PIAS1: variants seen among roughly 807,000 people sequenced by gnomAD.
PIAS1 encodes protein inhibitor of activated STAT 1.
Under a neutral mutation model 71.3 loss-of-function variants are expected in PIAS1, and 6 were observed. That is an observed-to-expected ratio of 0.08 (90% CI 0.05 to 0.17). The LOEUF is 0.17. PIAS1 is among the 10% of genes least tolerant of loss of function. PIAS1 has a pLI of 1.00. For synonymous variants in PIAS1, 303 were observed against 292.9 expected (o/e 1.03, Z -0.35); for missense variants, 555 against 793.6 (o/e 0.70, Z 3.61).
intron 1 of PIAS1, among the ~76,000 whole-genome samples, chr15:68,084,627 C>T (rs192506767): frequency 5.3e-5 from 8 of 152,240 alleles, no homozygotes; most frequent in Non-Finnish European, 7.4e-5. Context: ...TGCTACCTCC[C>T]ACCCTTTCTT....
intron 1 of PIAS1, among the ~76,000 whole-genome samples, chr15:68,080,843 G>T (rs1184622508): frequency 6.6e-6 from 1 of 152,162 alleles, no homozygotes; most frequent in Non-Finnish European, 1.5e-5. Context: ...GTTATAAATT[G>T]ATACCAGATA....
intron 2 of PIAS1, among the ~76,000 whole-genome samples, chr15:68,092,457 G>A (rs1595717402): frequency 6.6e-6 from 1 of 152,272 alleles, no homozygotes; most frequent in South Asian, 2.1e-4. Flanking sequence ...ACAGGTGTGA[G>A]CCACCGCACC....
chr15:68,059,096 C>G (rs1006670464), intron 1 of PIAS1, among the ~76,000 whole-genome samples: 4 of 151,298 alleles, frequency 2.6e-5, no homozygotes, highest in Admixed American at 1.3e-4. Flanking sequence ...GCTCCGCCTC[C>G]CGGGTTAACA....
intron 7 of PIAS1, among the ~76,000 whole-genome samples, chr15:68,154,585 T>C (rs2092874418): frequency 6.6e-6 from 1 of 152,212 alleles, no homozygotes; most frequent in Admixed American, 6.5e-5. Flanking sequence ...AGCATAGCTA[T>C]TACCCCTTTC....
rs1476925342 is a variant in PIAS1 at position 68,191,051 on chromosome 15, T to G, written c.*3216T>G. ...TCTTCAGGACTTTTTAAAGCACATT[T>G]GAAATTATTTTAGTAAGAATTTTGT... is the stretch of plus-strand genomic sequence containing the variant. On this transcript the variant is annotated 3_prime_UTR_variant, in exon 14 of 14. Coordinates refer to ENST00000249636, the MANE Select transcript of PIAS1 (RefSeq NM_016166.3). 6.6e-6 allele frequency: 1 copy of G among 152,616 alleles called. No individual in the cohort carries two copies. Among genetic ancestry groups the G allele is most frequent in the Non-Finnish European group, 1.5e-5 (1 of 68,042 alleles). The allele number at this position is 152,616 out of a possible 1,614,324, so 9.5% of individuals were successfully genotyped here.
chr15:68,096,435 G>C (rs1237564578), intron 2 of PIAS1, among the ~76,000 whole-genome samples: 1 of 150,300 alleles, frequency 6.7e-6, no homozygotes, highest in Non-Finnish European at 1.5e-5. Context: ...ATCAACTTTA[G>C]GATTTTTTTT....
Position 68,114,599 on chromosome 15 carries a change from A to G in PIAS1, c.470-27347A>G, listed in dbSNP as rs1595735957. 1.3e-5 allele frequency among the ~76,000 whole-genome samples: 2 copies of G among 152,126 alleles called. 1 individual carries two copies. On this transcript the variant is annotated intron_variant, in intron 2 of 13. Coordinates refer to ENST00000249636, the MANE Select transcript of PIAS1 (RefSeq NM_016166.3). ...GCAAGAAATATTCTATAACAGAAAG[A>G]TGACTATTTTTAGCTTTTCTTTCTG... is the stretch of plus-strand genomic sequence containing the variant.
Position 68,103,173 on chromosome 15 carries a change from C to T in PIAS1, c.469+16423C>T, listed in dbSNP as rs543217274. ...AACTCCTGGCCTCAAGTGATCTGCC[C>T]GCCTCGCCCACCCAAAGAGCTAGGA... is the stretch of plus-strand genomic sequence containing the variant. On this transcript the variant is annotated intron_variant, in intron 2 of 13. Transcript: ENST00000249636. 5.3e-5 allele frequency among the ~76,000 whole-genome samples: 8 copies of T among 152,108 alleles called. No individual in the cohort carries two copies. The East Asian group carries it at 7.7e-4, about 15-fold the overall frequency.
At chr15:68,126,169 T>A (rs1242048839) in intron 2 of PIAS1, among the ~76,000 whole-genome samples, 2 of 152,226 alleles carry the variant, frequency 1.3e-5, no homozygotes, top group African/African-American at 4.8e-5. Flanking sequence ...TGTAGGAACT[T>A]GTCTTGAATT....
At chr15:68,145,772 T>C in intron 4 of PIAS1, 44 bp from the exon 5 acceptor site, 1 of 1,072,234 alleles carries the variant, frequency 9.3e-7, no homozygotes. Context: ...ACTAATGAAG[T>C]CATCCTTTAA....
chr15:68,151,670 A>C (rs1247919208), intron 6 of PIAS1, among the ~76,000 whole-genome samples: 2 of 100,330 alleles, frequency 2.0e-5, no homozygotes, highest in African/African-American at 4.3e-5. Flanking sequence ...AAACAAAAAA[A>C]ACAAAAAAAC....
chr15:68,069,980 T>C (rs746093864), intron 1 of PIAS1, among the ~76,000 whole-genome samples: 1 of 152,224 alleles, frequency 6.6e-6, no homozygotes, highest in Non-Finnish European at 1.5e-5. Context: ...CAATGTTAAA[T>C]GCATTGTTAA....
At chr15:68,066,423 G>A (rs1282019897) in intron 1 of PIAS1, among the ~76,000 whole-genome samples, 9 of 152,192 alleles carry the variant, frequency 5.9e-5, no homozygotes, top group African/African-American at 1.4e-4. Context: ...TGCTTTTTCT[G>A]TAGTAAAATA....
intron 1 of PIAS1, among the ~76,000 whole-genome samples, chr15:68,057,250 A>G (rs938489972): frequency 1.3e-5 from 2 of 152,172 alleles, no homozygotes; most frequent in East Asian, 3.8e-4. Flanking sequence ...TTTGTTTATG[A>G]AAGGTTTAAT....
intron 7 of PIAS1, among the ~76,000 whole-genome samples, chr15:68,155,580 T>C (rs2092883565): frequency 6.6e-6 from 1 of 152,204 alleles, no homozygotes; most frequent in Admixed American, 6.5e-5. Flanking sequence ...AAATATGTTC[T>C]TTGTAAGTCA....
At chr15:68,117,648 G>A (rs554547065) in intron 2 of PIAS1, among the ~76,000 whole-genome samples, 2 of 152,126 alleles carry the variant, frequency 1.3e-5, no homozygotes, top group Non-Finnish European at 2.9e-5. Context: ...TTCACTTAAT[G>A]TCTTCCAGGT....
chr15:68,101,390 A>G (rs1227906904), intron 2 of PIAS1, among the ~76,000 whole-genome samples: 2 of 142,900 alleles, frequency 1.4e-5, no homozygotes, highest in East Asian at 4.1e-4. Context: ...TCTAGATTCT[A>G]GTCCTTCGTT....
intron 2 of PIAS1, among the ~76,000 whole-genome samples, chr15:68,127,909 C>G (rs532646169): frequency 2.0e-5 from 3 of 152,006 alleles, no homozygotes; most frequent in Non-Finnish European, 2.9e-5. Flanking sequence ...ATTACAGGTG[C>G]ACGCCACCAC....
chr15:68,182,490 C>CGCGTGT (rs1555434694), intron 12 of PIAS1, among the ~76,000 whole-genome samples: 1 of 123,280 alleles, frequency 8.1e-6, no homozygotes, highest in Non-Finnish European at 1.7e-5. Flanking sequence ...GCTCAGGCTG[C>CGCGTGT]GTGTGTGTGT....
Sources: gnomAD v4.1 joint callset for allele counts (sites outside exome capture counted in the v4.1 genomes callset) on GRCh38, gnomAD v4.1.1 for gene constraint, MANE v1.5 for transcripts, NCBI Gene and HGNC (gene_info 2026-07-23, HGNC 2026-07-21) for gene names.